Variants in ATP6V1C1 observed in about 807,000 individuals in gnomAD.
ATP6V1C1 encodes the protein V-type proton ATPase subunit C 1.
In ATP6V1C1, 45 loss-of-function variants were observed where a neutral mutation model predicts 53.9. The observed-to-expected ratio is 0.83, with a 90% CI of 0.66 to 1.07. The LOEUF (loss-of-function observed/expected upper bound fraction) is 1.07. Among genes scored for constraint, ATP6V1C1 ranks in the 50% least tolerant of loss-of-function variants. The pLI, the probability that ATP6V1C1 is intolerant of heterozygous loss-of-function variation, is 0.00. For synonymous variants in ATP6V1C1, 153 were observed against 155.2 expected (o/e 0.99, Z 0.11); for missense variants, 315 against 440.3 (o/e 0.72, Z 2.55).
At chr8:103,047,446 ACACACACACACACACAC>A (rs1469493980) in intron 3 of ATP6V1C1, among the ~76,000 whole-genome samples, 1 of 115,854 alleles carries the variant, frequency 8.6e-6, no homozygotes, top group African/African-American at 3.1e-5. Context: ...ACACACACAC[ACACACACACACACACAC>A]ATTTTTTTTT....
At chr8:103,030,535 G>A (rs117221349) in intron 1 of ATP6V1C1, among the ~76,000 whole-genome samples, 200 of 152,276 alleles carry the variant, frequency 1.3e-3, no homozygotes, top group Non-Finnish European at 2.1e-3. Context: ...TCCAGACATC[G>A]GACAATAGGC....
chr8:103,048,891 A>C lies in ATP6V1C1; in HGVS notation c.222A>C (p.Gln74His). ...FVEGVVKKVA[Q>H]YMADVLEDSK... ...CCAGAGTGGTTAAGAAAGTAGCTCA[A>C]TACATGGCTGATGTATTGGAAGATA... Residue 74 changes from glutamine to histidine, a missense_variant, in exon 4 of 13, where the codon CAA becomes CAC. Coordinates refer to ENST00000518738, the MANE Select transcript of ATP6V1C1 (RefSeq NM_001695.5). The C allele has an allele frequency of 1.2e-6, 2 of 1,613,338 alleles. No individual in the cohort carries two copies. Among genetic ancestry groups the C allele is most frequent in the Non-Finnish European group, 1.7e-6 (2 of 1,179,660 alleles).
intron 1 of ATP6V1C1, among the ~76,000 whole-genome samples, chr8:103,027,838 C>G (rs575376772): frequency 1.3e-5 from 2 of 152,066 alleles, no homozygotes; most frequent in African/African-American, 2.4e-5. Flanking sequence ...AAGTCTTCCT[C>G]CCACCCTCCC....
intron 8 of ATP6V1C1, among the ~76,000 whole-genome samples, chr8:103,060,797 A>G (rs1439348198): frequency 6.6e-6 from 1 of 152,142 alleles, no homozygotes; most frequent in Non-Finnish European, 1.5e-5. Context: ...GGCTTTTTTC[A>G]CCATCAGGAT....
chr8:103,022,136 G>A (rs1036836825), intron 1 of ATP6V1C1, among the ~76,000 whole-genome samples: 4 of 152,080 alleles, frequency 2.6e-5, no homozygotes, highest in African/African-American at 9.7e-5. Context: ...AAAGTGTGGA[G>A]CAACGACACA....
intron 1 of ATP6V1C1, among the ~76,000 whole-genome samples, chr8:103,028,025 A>G (rs1251563847): frequency 1.3e-5 from 2 of 152,236 alleles, no homozygotes; most frequent in Admixed American, 1.3e-4. Flanking sequence ...TTAATTGAGA[A>G]CAGTTACAGT....
At chr8:103,032,729 C>G (rs927523231) in intron 1 of ATP6V1C1, among the ~76,000 whole-genome samples, 1 of 152,176 alleles carries the variant, frequency 6.6e-6, no homozygotes, top group African/African-American at 2.4e-5. Context: ...CCACCTGCCT[C>G]AGCCTCCCAA....
At chr8:103,068,598 C>CT (rs985235834) in intron 12 of ATP6V1C1, 54 bp from the exon 13 acceptor site, 23 of 1,397,722 alleles carry the variant, frequency 1.6e-5, no homozygotes, top group Admixed American at 2.1e-5. Context: ...TACTTGCTTT[C>CT]TTTTTTTGAG....
chr8:103,032,713 A>G (rs1816820584), intron 1 of ATP6V1C1, among the ~76,000 whole-genome samples: 1 of 152,196 alleles, frequency 6.6e-6, no homozygotes, highest in Admixed American at 6.5e-5. Flanking sequence ...CCTGGCCTCA[A>G]GTGATCCACC....
intron 1 of ATP6V1C1, among the ~76,000 whole-genome samples, chr8:103,033,213 A>T (rs1288514314): frequency 6.6e-6 from 1 of 152,184 alleles, no homozygotes; most frequent in Admixed American, 6.5e-5. Flanking sequence ...AGTGTGAGGG[A>T]AGGTTTGGGG....
intron 3 of ATP6V1C1, among the ~76,000 whole-genome samples, chr8:103,043,664 C>G (rs995195538): frequency 4.0e-5 from 6 of 151,738 alleles, no homozygotes; most frequent in Non-Finnish European, 7.4e-5. Context: ...TTGTGTTTCC[C>G]TGTTGGCTGA....
chr8:103,046,706 T>C (rs1817102785), intron 3 of ATP6V1C1, among the ~76,000 whole-genome samples: 1 of 152,174 alleles, frequency 6.6e-6, no homozygotes, highest in Admixed American at 6.5e-5. Context: ...TTTGGTAGTA[T>C]TGACAGATGA....
rs146618054 is a variant in ATP6V1C1 at position 103,064,678 on chromosome 8, A to G, written c.829-36A>G. The G allele has an allele frequency of 1.8e-4, 279 of 1,581,220 alleles. No homozygotes were observed. In the African/African-American group the frequency reaches 3.4e-3, roughly 19 times the overall value. ...TTGGTCTATCTAATTGCTATTTCTA[A>G]GACCAAATTTGTGGTAATTTTTTTT... On this transcript the variant is annotated intron_variant, in intron 10 of 12. Coordinates refer to ENST00000518738, the MANE Select transcript of ATP6V1C1 (RefSeq NM_001695.5).
At chr8:103,035,511 C>T (rs2515195) in intron 1 of ATP6V1C1, among the ~76,000 whole-genome samples, 2 of 151,914 alleles carry the variant, frequency 1.3e-5, no homozygotes, top group East Asian at 3.9e-4. Context: ...ACGATGAGTG[C>T]GTAGTAGGGG....
At chr8:103,029,099 T>A (rs972512739) in intron 1 of ATP6V1C1, among the ~76,000 whole-genome samples, 1 of 152,154 alleles carries the variant, frequency 6.6e-6, no homozygotes, top group Non-Finnish European at 1.5e-5. Context: ...GTTGACAGTT[T>A]TTTTTTTTAT....
chr8:103,068,598 CT>C, intron 12 of ATP6V1C1, 53 bp from the exon 13 acceptor site: 11 of 1,397,788 alleles, frequency 7.9e-6, no homozygotes, highest in African/African-American at 1.5e-5. Flanking sequence ...TACTTGCTTT[CT>C]TTTTTTGAGT....
At position 103,063,012 on chromosome 8, in the gene ATP6V1C1, A is replaced by C. The variant is rs758652032; in HGVS notation, c.699A>C (p.Ala233=). 2.5e-6 allele frequency: 4 copies of C among 1,613,890 alleles called. No homozygotes were observed. The highest frequency in any genetic ancestry group is 3.4e-6 in the Non-Finnish European group (4 of 1,179,938). Residue 233 remains alanine, a synonymous_variant, in exon 9 of 13, where the codon GCA becomes GCC. Coordinates refer to ENST00000518738, the MANE Select transcript of ATP6V1C1 (RefSeq NM_001695.5). The part of the protein sequence containing the change: ...YLCNVTLFRK[A]VDDFRHKARE... The stretch of plus-strand genomic sequence containing the variant: ...GTAATGTCACCTTGTTTAGGAAGGC[A>C]GTTGATGACTTCAGACACAAAGCCA...
chr8:103,048,957 T>A lies in ATP6V1C1; in HGVS notation c.286+2T>A. 6.2e-7 allele frequency: 1 copy of A among 1,610,930 alleles called. No individual in the cohort carries two copies. The highest frequency in any genetic ancestry group is 8.5e-7 in the Non-Finnish European group (1 of 1,177,816). ...AAGAGAATCTGTTGGCTAATGGAGG[T>A]AAGCTAATGCTCATGATTGATCATT... On this transcript the variant is annotated splice_donor_variant, in intron 4 of 12. Coordinates refer to ENST00000518738, the MANE Select transcript of ATP6V1C1 (RefSeq NM_001695.5). LOFTEE classifies it high-confidence loss of function.
rs1563607043 is a variant in ATP6V1C1, at chr8:103,052,780, A to G, written c.431A>G (p.Asn144Ser). The G allele has an allele frequency of 1.2e-6, 2 of 1,600,068 alleles. No homozygotes were observed. The highest frequency in any genetic ancestry group is 1.7e-6 in the Non-Finnish European group (2 of 1,174,360). Residue 144 changes from asparagine (N) to serine (S), a missense_variant, in exon 6 of 13, where the codon AAT becomes AGT. By Grantham distance (46) the Asn-to-Ser change is conservative (BLOSUM62 1). Transcript: ENST00000518738. ...CTGAAATCTCGAGCATCTGCATACA[A>G]TAACCTGAAAGGAAATCTTCAGAAT... The part of the protein sequence containing the change: ...NDLKSRASAY[N>S]NLKGNLQNLE...
Sources: allele counts gnomAD v4.1 joint callset (sites outside exome capture counted in the v4.1 genomes callset), GRCh38; gene constraint gnomAD v4.1.1; transcripts MANE v1.5; gene names NCBI Gene and HGNC (gene_info 2026-07-23, HGNC 2026-07-21).